SEPTIN10: variants seen among roughly 807,000 people sequenced by gnomAD.
The protein encoded by SEPTIN10 is septin-10.
A neutral mutation model predicts 54.8 loss-of-function variants in SEPTIN10; 66 were observed. The observed-to-expected ratio is 1.21, with a 90% confidence interval of 0.99 to 1.48. The LOEUF (loss-of-function observed/expected upper bound fraction) is 1.48, where lower values mean the gene tolerates loss of function less well. Ranked by LOEUF, SEPTIN10 falls within the 40% of genes most tolerant of loss-of-function variation. The pLI, the probability that SEPTIN10 is intolerant of heterozygous loss-of-function variation, is 0.00. For missense variants in SEPTIN10, 620 were observed against 545.6 expected (o/e 1.14, Z -1.36); for synonymous variants, 161 against 181.0 (o/e 0.89, Z 0.89).
At chr2:109,573,262 A>C (rs1688816900) in intron 5 of SEPTIN10, among the ~76,000 whole-genome samples, 1 of 152,206 alleles carries the variant, frequency 6.6e-6, no homozygotes, top group South Asian at 2.1e-4. Context: ...CAGCTAATAA[A>C]TGACAGAGCC....
At chr2:109,594,910 C>T (rs1694973398) in intron 1 of SEPTIN10, 1 of 150,684 alleles carries the variant, frequency 6.6e-6, no homozygotes, top group Non-Finnish European at 1.5e-5. Flanking sequence ...TTTTTTGAGA[C>T]AGAGTCTCAC....
intron 9 of SEPTIN10, 120 bp downstream of exon 9, chr2:109,552,967 C>A: frequency 9.0e-7 from 1 of 1,110,540 alleles, no homozygotes; most frequent in Non-Finnish European, 1.3e-6. Flanking sequence ...GTTGGAAAAG[C>A]TACTCTTTAA....
rs182200192 is a variant in SEPTIN10, at chr2:109,589,970, G to A, written c.99+3081C>T. ...TAGTGATTTATTTACTGAGGTCAGA[G>A]TTTTTAAAAATATGCATTATGTGCA... On this transcript the variant is annotated intron_variant, in intron 2 of 10. Transcript: ENST00000397712. Among the ~76,000 whole-genome samples the A allele has an allele frequency of 3.0e-3, 451 of 151,788 alleles. 2 individuals carry two copies. The highest frequency in any genetic ancestry group is 0.022 in the South Asian group (107 of 4,808).
intron 2 of SEPTIN10, among the ~76,000 whole-genome samples, chr2:109,590,556 C>T (rs1248158378): frequency 1.3e-5 from 2 of 152,008 alleles, no homozygotes; most frequent in East Asian, 1.9e-4. Context: ...CTCAGCCTCT[C>T]GAGCAGCTAG....
chr2:109,551,169 C>G (rs1029640665), intron 9 of SEPTIN10, among the ~76,000 whole-genome samples: 5 of 152,178 alleles, frequency 3.3e-5, no homozygotes, highest in African/African-American at 1.2e-4. Context: ...TCTCCCCATT[C>G]TAGTCATCTA....
intron 1 of SEPTIN10, among the ~76,000 whole-genome samples, chr2:109,599,133 G>A (rs1695985168): frequency 6.6e-6 from 1 of 152,052 alleles, no homozygotes; most frequent in South Asian, 2.1e-4. Context: ...ACTGCTAGAA[G>A]TGGATGCTTA....
rs559949945 is a variant in SEPTIN10, at chr2:109,544,176, T to C, written c.*133A>G. The C allele has an allele frequency of 6.5e-5, 103 of 1,586,930 alleles. No homozygotes were observed. The African/African-American group carries it at 1.3e-3, about 20-fold the overall frequency. On this transcript the variant is annotated 3_prime_UTR_variant, in exon 11 of 11. Transcript: ENST00000397712. ...GTACTTGAAAGTACTTTTCCATAAA[T>C]ATCAGTAACTGTGGCTGTTCACCAA...
At chr2:109,568,863 C>G (rs1243955879) in intron 5 of SEPTIN10, among the ~76,000 whole-genome samples, 2 of 152,100 alleles carry the variant, frequency 1.3e-5, no homozygotes, top group Non-Finnish European at 2.9e-5. Flanking sequence ...GTATGTACTA[C>G]TATCTTAAAA....
At chr2:109,574,466 A>T (rs1044139300) in intron 5 of SEPTIN10, 115 bp downstream of exon 5, 9 of 573,174 alleles carry the variant, frequency 1.6e-5, no homozygotes, top group African/African-American at 2.1e-5. Context: ...AAAAAAAAAA[A>T]TTTAAAAAAG....
intron 10 of SEPTIN10, chr2:109,545,431 C>A (rs1401141711): frequency 2.6e-6 from 4 of 1,535,944 alleles, no homozygotes; most frequent in Middle Eastern, 1.7e-4. Flanking sequence ...CTACTCATGG[C>A]TGCCCCCTTG....
chr2:109,606,461 T>C (rs1031094462), intron 1 of SEPTIN10, among the ~76,000 whole-genome samples: 2 of 152,090 alleles, frequency 1.3e-5, no homozygotes, highest in African/African-American at 4.8e-5. Context: ...AGGGAAGTAC[T>C]TGCCATGGTG....
At chr2:109,613,617 G>C in intron 1 of SEPTIN10, 181 bp downstream of exon 1, 1 of 341,522 alleles carries the variant, frequency 2.9e-6, no homozygotes, top group Non-Finnish European at 5.0e-6. Flanking sequence ...GCTCCGCAGA[G>C]GCTCCTCTCC....
intron 2 of SEPTIN10, among the ~76,000 whole-genome samples, chr2:109,588,171 A>C (rs930222527): frequency 1.3e-5 from 2 of 152,208 alleles, no homozygotes; most frequent in African/African-American, 4.8e-5. Context: ...AATGAAGGCA[A>C]AATGAAGACA....
At chr2:109,612,952 G>A (rs925382190) in intron 1 of SEPTIN10, among the ~76,000 whole-genome samples, 7 of 152,196 alleles carry the variant, frequency 4.6e-5, no homozygotes, top group Non-Finnish European at 2.9e-5. Context: ...AGGTTGCTTA[G>A]TAGAGTGGTT....
chr2:109,594,163 A>G (rs541017804), intron 1 of SEPTIN10, among the ~76,000 whole-genome samples: 2 of 152,332 alleles, frequency 1.3e-5, no homozygotes, highest in South Asian at 2.1e-4. Flanking sequence ...AGAGAGGTAC[A>G]AGAAAAACTG....
rs1694470467 is a variant in SEPTIN10 at position 109,593,131 on chromosome 2, A to G, written c.31-12T>C. ...TGAGACTGAAAGAGCTAAAAAAGGAATACAAAGGCTTAAAAGGAAACAGAA... is the reference window on the plus strand; with the variant it reads ...TGAGACTGAAAGAGCTAAAAAAGGAGTACAAAGGCTTAAAAGGAAACAGAA... On this transcript the variant is annotated splice_polypyrimidine_tract_variant and intron_variant, in intron 1 of 10. Transcript: ENST00000397712. The G allele has an allele frequency of 6.3e-7, 1 of 1,580,676 alleles. No homozygotes were observed. The highest frequency in any genetic ancestry group is 2.3e-5 in the East Asian group (1 of 44,028).
intron 4 of SEPTIN10, among the ~76,000 whole-genome samples, chr2:109,582,690 T>G (rs1691495486): frequency 6.6e-6 from 1 of 151,908 alleles, no homozygotes; most frequent in Non-Finnish European, 1.5e-5. Flanking sequence ...CTAAAATTCA[T>G]AAAGAAACAA....
chr2:109,564,263 T>C (rs748936307), intron 8 of SEPTIN10, 103 bp downstream of exon 8: 7 of 1,061,720 alleles, frequency 6.6e-6, no homozygotes, highest in Non-Finnish European at 8.9e-6. Context: ...ATCATGGTTT[T>C]GGGAGATTCT....
At chr2:109,583,682 T>C (rs1021784670) in intron 4 of SEPTIN10, among the ~76,000 whole-genome samples, 5 of 152,146 alleles carry the variant, frequency 3.3e-5, no homozygotes, top group African/African-American at 1.2e-4. Context: ...AAGACACATG[T>C]ACTCATATGT....
Sources: gnomAD v4.1 joint callset for allele counts (sites outside exome capture counted in the v4.1 genomes callset) on GRCh38, gnomAD v4.1.1 for gene constraint, MANE v1.5 for transcripts, NCBI Gene and HGNC (gene_info 2026-07-23, HGNC 2026-07-21) for gene names.